UGT2B17: variants seen among roughly 807,000 people sequenced by gnomAD.
UGT2B17 encodes the protein UDP-glucuronosyltransferase 2B17.
A neutral mutation model predicts 48.2 loss-of-function variants in UGT2B17; 21 were observed. That is an observed-to-expected ratio of 0.44 (90% CI 0.31 to 0.63). The LOEUF is 0.63. Among genes scored for constraint, UGT2B17 ranks in the 20% least tolerant of loss-of-function variants. The probability of loss-of-function intolerance (pLI) is 0.08; values close to 1 mark genes in which losing one functional copy is unlikely to be tolerated. For missense variants in UGT2B17, 402 were observed against 696.1 expected (o/e 0.58, Z 4.75); for synonymous variants, 146 against 238.4 (o/e 0.61, Z 3.57).
intron 3 of UGT2B17, among the ~76,000 whole-genome samples, chr4:68,561,660 C>A (rs114034905): frequency 0.057 from 7,026 of 122,478 alleles, 1,668 homozygotes; most frequent in African/African-American, 0.19. Context: ...CTATATGAAG[C>A]TCCTGGTAAA....
chr4:68,555,627 C>G lies in UGT2B17; in HGVS notation c.1006-3716G>C, dbSNP rs1730987054. ...TAAATGATGACTACCACACTTTTCA[C>G]AAATATTCTAGGTAAATGACTAAAT... On this transcript the variant is annotated intron_variant, in intron 4 of 6. Transcript: ENST00000317746. Among the ~76,000 whole-genome samples, 3 of 125,308 alleles carry G rather than the reference C, an allele frequency of 2.4e-5. No homozygotes were observed. The Admixed American group carries it at 2.5e-4, about 10-fold the overall frequency. The allele number at this position is 125,308 out of a possible 152,430, so 82.2% of individuals were successfully genotyped here. A position where few individuals can be genotyped will look rare whatever the true frequency, so the allele number is the denominator to read the frequency against.
chr4:68,543,634 C>T (rs1289648938), intron 6 of UGT2B17, among the ~76,000 whole-genome samples: 4 of 124,234 alleles, frequency 3.2e-5, no homozygotes, highest in African/African-American at 8.3e-5. Flanking sequence ...CAAACTACTC[C>T]GGACTAAAGG....
In UGT2B17 at chr4:68,537,640, C is replaced by T. The variant is rs141367736; in HGVS notation, c.1578G>A (p.Lys526=). The T allele has an allele frequency of 2.3e-5, 31 of 1,372,378 alleles. 6 individuals carry two copies. In the African/African-American group the frequency reaches 4.0e-4, roughly 18 times the overall value. 85.0% of individuals were successfully genotyped at this position (1,372,378 alleles called of 1,614,324 possible). ...TTTGATATAACTAATCCCTTTTCTT[C>T]TTCTTTCCTGTTTTGGCAAGCTTTC... ...CFRKLAKTGK[K]KKRD Residue 526 remains lysine (K), a synonymous_variant, in exon 7 of 7, where the codon AAG becomes AAA. Coordinates refer to ENST00000317746, the MANE Select transcript of UGT2B17 (RefSeq NM_001077.4).
rs1381097769 is a variant in UGT2B17, at chr4:68,537,648, C to T, written c.1570G>A (p.Gly524Arg). 8.0e-6 allele frequency: 11 copies of T among 1,373,616 alleles called. 3 individuals carry two copies. In the African/African-American group the frequency reaches 8.8e-5, roughly 11 times the overall value. 85.1% of individuals were successfully genotyped at this position (1,373,616 alleles called of 1,614,324 possible). A position where few individuals can be genotyped will look rare whatever the true frequency, so the allele number is the denominator to read the frequency against. Residue 524 changes from glycine to arginine, a missense_variant, in exon 7 of 7, where the codon GGA becomes AGA. Transcript: ENST00000317746. The stretch of plus-strand genomic sequence containing the variant: ...AACTAATCCCTTTTCTTCTTCTTTC[C>T]TGTTTTGGCAAGCTTTCGGAAACAA... ...LFCFRKLAKTGKKKKRD is the reference protein window; with the variant it reads ...LFCFRKLAKTRKKKKRD
Position 68,562,194 on chromosome 4 carries a change from C to T in UGT2B17, c.874-1526G>A, listed in dbSNP as rs540737372. 8.9e-5 allele frequency among the ~76,000 whole-genome samples: 11 copies of T among 124,098 alleles called. 2 individuals are homozygous for T. The highest frequency in any genetic ancestry group is 7.7e-4 in the South Asian group (2 of 2,610). The allele number at this position is 124,098 out of a possible 152,430, so 81.4% of individuals were successfully genotyped here. Reference sequence around the variant, plus strand: ...GCAATGATGCAATCTTGGCTCATTGCGACCTCTGCCTCCCAGGTTCAAGCA... The same window carrying T: ...GCAATGATGCAATCTTGGCTCATTGTGACCTCTGCCTCCCAGGTTCAAGCA... On this transcript the variant is annotated intron_variant, in intron 3 of 6. Coordinates refer to ENST00000317746, the MANE Select transcript of UGT2B17 (RefSeq NM_001077.4).
At position 68,552,852 on chromosome 4, in the gene UGT2B17, T is replaced by C. The variant is rs1216297089; in HGVS notation, c.1006-941A>G. ...CCTTTTTTTTTGTTTTTTATTTTTT[T>C]TTGGAGTTTTACTTGCTTCCTACAA... On this transcript the variant is annotated intron_variant, in intron 4 of 6. Coordinates refer to ENST00000317746, the MANE Select transcript of UGT2B17 (RefSeq NM_001077.4). 3.2e-5 allele frequency among the ~76,000 whole-genome samples: 4 copies of C among 125,498 alleles called. 2 individuals are homozygous for C. Among genetic ancestry groups the C allele is most frequent in the Non-Finnish European group, 6.7e-5 (4 of 59,378 alleles). The allele number at this position is 125,498 out of a possible 152,430, so 82.3% of individuals were successfully genotyped here.
Position 68,574,289 on chromosome 4 carries a change from T to C in UGT2B17, c.-65+1662A>G, listed in dbSNP as rs139919165. On this transcript the variant is annotated intron_variant, in intron 1 of 6. Transcript: ENST00000317746. ...TTTATATTTAATGTTTCTTGTATGATTTTTATACCAGATAAGCTAAATTTT... is the reference window on the plus strand; with the variant it reads ...TTTATATTTAATGTTTCTTGTATGACTTTTATACCAGATAAGCTAAATTTT... 2.2e-3 allele frequency among the ~76,000 whole-genome samples: 277 copies of C among 127,152 alleles called. 123 individuals carry two copies. In the East Asian group the frequency reaches 0.18, roughly 84 times the overall value. 83.4% of individuals were successfully genotyped at this position (127,152 alleles called of 152,430 possible).
In UGT2B17 at chr4:68,545,787, T is replaced by A. The variant is rs1330174875; in HGVS notation, c.1313+4890A>T. Among the ~76,000 whole-genome samples the A allele has an allele frequency of 1.6e-5, 2 of 125,708 alleles. 1 individual carries two copies. Among genetic ancestry groups the A allele is most frequent in the Non-Finnish European group, 3.4e-5 (2 of 59,448 alleles). The allele number at this position is 125,708 out of a possible 152,430, so 82.5% of individuals were successfully genotyped here. A position where few individuals can be genotyped will look rare whatever the true frequency, so the allele number is the denominator to read the frequency against. On this transcript the variant is annotated intron_variant, in intron 6 of 6. Transcript: ENST00000317746. ...AATACAAACTACCATCAGAGAATAC[T>A]ATAAACACCTCTACGCAAATAAACT...
In UGT2B17 at chr4:68,537,877, T is replaced by C; in HGVS notation, c.1341A>G (p.Ser447=). The change falls in exon 7 of 7, where the codon TCA becomes TCG. Residue 447 remains serine, a synonymous_variant. Coordinates refer to ENST00000317746, the MANE Select transcript of UGT2B17 (RefSeq NM_001077.4). The stretch of plus-strand genomic sequence containing the variant: ...TCACCGGTTGATCATGATGAATTCT[T>C]GATAATTTCATGATATTCTCTTTAT... ...PIYKENIMKL[S]RIHHDQPVKP... 1 of 1,370,254 alleles carries C rather than the reference T, an allele frequency of 7.3e-7. No homozygotes were observed. Among genetic ancestry groups the C allele is most frequent in the Non-Finnish European group, 9.5e-7 (1 of 1,049,748 alleles). 84.9% of individuals were successfully genotyped at this position (1,370,254 alleles called of 1,614,324 possible).
chr4:68,565,936 A>G lies in UGT2B17; in HGVS notation c.725-216T>C. Among the ~76,000 whole-genome samples, 2 of 119,276 alleles carry G rather than the reference A, an allele frequency of 1.7e-5. 1 individual carries two copies. The highest frequency in any genetic ancestry group is 3.4e-5 in the Non-Finnish European group (2 of 58,276). 78.2% of individuals were successfully genotyped at this position (119,276 alleles called of 152,430 possible). A position where few individuals can be genotyped will look rare whatever the true frequency, so the allele number is the denominator to read the frequency against. ...AAATTAATGTATATTAAATAATATT[A>G]AATACATTATATTAAATTAATGTAT... is the stretch of plus-strand genomic sequence containing the variant. On this transcript the variant is annotated intron_variant, in intron 2 of 6. Transcript: ENST00000317746.
chr4:68,548,985 A>T (rs1169650755), intron 6 of UGT2B17, among the ~76,000 whole-genome samples: 1 of 125,550 alleles, frequency 8.0e-6, no homozygotes. Flanking sequence ...CTATTTATAG[A>T]ATACCCTTTA....
At position 68,542,618 on chromosome 4, in the gene UGT2B17, C is replaced by T. The variant is rs1278146001; in HGVS notation, c.1314-4714G>A. 4.7e-4 allele frequency among the ~76,000 whole-genome samples: 59 copies of T among 126,216 alleles called. 12 individuals carry two copies. The highest frequency in any genetic ancestry group is 1.1e-3 in the African/African-American group (41 of 36,902). The allele number at this position is 126,216 out of a possible 152,430, so 82.8% of individuals were successfully genotyped here. A position where few individuals can be genotyped will look rare whatever the true frequency, so the allele number is the denominator to read the frequency against. On this transcript the variant is annotated intron_variant, in intron 6 of 6. Transcript: ENST00000317746. ...GCAGGACAGTGGGTGCAGCGCACCA[C>T]GTGTGAGCCAAAGCATGGCGAGGCA... is the stretch of plus-strand genomic sequence containing the variant.
In UGT2B17 at chr4:68,569,415, C is replaced by T. The variant is rs1232117815; in HGVS notation, c.-64-867G>A. Among the ~76,000 whole-genome samples, 16 of 124,600 alleles carry T rather than the reference C, an allele frequency of 1.3e-4. 6 individuals carry two copies. The highest frequency in any genetic ancestry group is 5.0e-4 in the Admixed American group (6 of 12,062). The allele number at this position is 124,600 out of a possible 152,430, so 81.7% of individuals were successfully genotyped here. On this transcript the variant is annotated intron_variant, in intron 1 of 6. Coordinates refer to ENST00000317746, the MANE Select transcript of UGT2B17 (RefSeq NM_001077.4). The stretch of plus-strand genomic sequence containing the variant: ...GTGAAGCTGAGTCAAATTAGAGAAC[C>T]AAGCCAAGCAAAATATAGGGGTAGA...
chr4:68,565,790 C>A lies in UGT2B17; in HGVS notation c.725-70G>T. On this transcript the variant is annotated intron_variant, in intron 2 of 6. Coordinates refer to ENST00000317746, the MANE Select transcript of UGT2B17 (RefSeq NM_001077.4). ...AATTGTTATTTTAATATTGAATATG[C>A]AGGTATTTTCCTGAAAGGACTTGGA... is the stretch of plus-strand genomic sequence containing the variant. The A allele has an allele frequency of 1.6e-6, 2 of 1,257,070 alleles. 1 individual carries two copies. Among genetic ancestry groups the A allele is most frequent in the Non-Finnish European group, 2.0e-6 (2 of 986,620 alleles). The allele number at this position is 1,257,070 out of a possible 1,614,324, so 77.9% of individuals were successfully genotyped here. A position where few individuals can be genotyped will look rare whatever the true frequency, so the allele number is the denominator to read the frequency against.
chr4:68,562,282 A>T (rs1405442332), intron 3 of UGT2B17, among the ~76,000 whole-genome samples: 1 of 123,156 alleles, frequency 8.1e-6, no homozygotes, highest in Non-Finnish European at 1.7e-5. Context: ...CGCCTGGCTA[A>T]TTTTTCTGTT....
chr4:68,538,208 AG>A (rs1730589685), intron 6 of UGT2B17, among the ~76,000 whole-genome samples: 1 of 115,002 alleles, frequency 8.7e-6, no homozygotes, highest in African/African-American at 2.9e-5. Flanking sequence ...TAGTGGAAAT[AG>A]AATCTGGGAA....
intron 4 of UGT2B17, among the ~76,000 whole-genome samples, chr4:68,557,662 A>G (rs1300121149): frequency 7.8e-6 from 1 of 127,610 alleles, no homozygotes; most frequent in East Asian, 7.2e-4. Context: ...TTTGGAAACT[A>G]TTTGTGAGTA....
In UGT2B17 at chr4:68,540,042, T is replaced by C. The variant is rs188621808; in HGVS notation, c.1314-2138A>G. 1.4e-3 allele frequency among the ~76,000 whole-genome samples: 179 copies of C among 123,942 alleles called. 30 individuals are homozygous for C. Among genetic ancestry groups the C allele is most frequent in the African/African-American group, 4.9e-3 (176 of 36,246 alleles). The allele number at this position is 123,942 out of a possible 152,430, so 81.3% of individuals were successfully genotyped here. ...CAAATGTGATCCTCCCACCTTGGCC[T>C]CCCAAAGTGTTGGAATTACAGGTGT... On this transcript the variant is annotated intron_variant, in intron 6 of 6. Coordinates refer to ENST00000317746, the MANE Select transcript of UGT2B17 (RefSeq NM_001077.4).
Position 68,550,172 on chromosome 4 carries a change from T to G in UGT2B17, c.1313+505A>C, listed in dbSNP as rs1326627128. 3.2e-5 allele frequency among the ~76,000 whole-genome samples: 4 copies of G among 124,936 alleles called. 1 individual carries two copies. Among genetic ancestry groups the G allele is most frequent in the Non-Finnish European group, 3.4e-5 (2 of 59,242 alleles). 82.0% of individuals were successfully genotyped at this position (124,936 alleles called of 152,430 possible). ...TGAGTTTAATTTGAGCTCACAAAAATGTTATTTAGGGTTGTGGCTTCGTAA... is the reference window on the plus strand; with the variant it reads ...TGAGTTTAATTTGAGCTCACAAAAAGGTTATTTAGGGTTGTGGCTTCGTAA... On this transcript the variant is annotated intron_variant, in intron 6 of 6. Coordinates refer to ENST00000317746, the MANE Select transcript of UGT2B17 (RefSeq NM_001077.4).
Sources: gnomAD v4.1 joint callset for allele counts (sites outside exome capture counted in the v4.1 genomes callset) on GRCh38, gnomAD v4.1.1 for gene constraint, MANE v1.5 for transcripts, NCBI Gene and HGNC (gene_info 2026-07-23, HGNC 2026-07-21) for gene names.